The following CDH13 variants were observed in gnomAD, a reference collection of about 807,000 sequenced individuals.
The protein encoded by CDH13 is cadherin 13.
Under a neutral mutation model 63.8 loss-of-function variants are expected in CDH13, and 24 were observed. The observed-to-expected ratio is 0.38, with a 90% confidence interval of 0.27 to 0.53. The LOEUF (loss-of-function observed/expected upper bound fraction) is 0.53, where lower values mean the gene tolerates loss of function less well. CDH13 is among the 20% of genes least tolerant of loss of function. The probability of loss-of-function intolerance (pLI) is 0.85; values close to 1 mark genes in which losing one functional copy is unlikely to be tolerated. For synonymous variants in CDH13, 503 were observed against 355.3 expected (o/e 1.42, Z -4.67); for missense variants, 1,049 against 903.1 (o/e 1.16, Z -2.07).
chr16:83,134,823 A>G (rs16959334), intron 4 of CDH13, among the ~76,000 whole-genome samples: 3,760 of 152,276 alleles, frequency 0.025, 168 homozygotes, highest in African/African-American at 0.086. Context: ...TTTTTGCCAA[A>G]TACATATATA....
intron 6 of CDH13, among the ~76,000 whole-genome samples, chr16:83,477,745 A>G (rs966988664): frequency 2.6e-5 from 4 of 152,192 alleles, no homozygotes; most frequent in Non-Finnish European, 4.4e-5. Flanking sequence ...GGCTCTACCA[A>G]CAGACAAGGT....
intron 7 of CDH13, among the ~76,000 whole-genome samples, chr16:83,541,614 A>G (rs1391744895): frequency 6.6e-6 from 1 of 152,194 alleles, no homozygotes; most frequent in East Asian, 1.9e-4. Context: ...CACAAGCTGA[A>G]CCAAGGACTC....
At chr16:83,249,719 T>A (rs571942349) in intron 5 of CDH13, among the ~76,000 whole-genome samples, 5 of 152,312 alleles carry the variant, frequency 3.3e-5, no homozygotes, top group Admixed American at 2.0e-4. Context: ...CCAATTCATG[T>A]CCATTCTAAG....
intron 6 of CDH13, among the ~76,000 whole-genome samples, chr16:83,424,301 A>T (rs745504941): frequency 1.1e-4 from 16 of 151,308 alleles, no homozygotes; most frequent in Non-Finnish European, 1.9e-4. Context: ...GACAGTCTAG[A>T]AGAGGGAAAT....
At chr16:82,732,656 C>T (rs1220201786) in intron 1 of CDH13, among the ~76,000 whole-genome samples, 1 of 152,168 alleles carries the variant, frequency 6.6e-6, no homozygotes, top group Non-Finnish European at 1.5e-5. Flanking sequence ...GAGATAAAAG[C>T]CAGCAGCAGT....
chr16:83,540,360 G>A lies in CDH13; in HGVS notation c.960+53705G>A, dbSNP rs72791501. The stretch of plus-strand genomic sequence containing the variant: ...TGCTGAAGACAGTCACCCCCGATGC[G>A]CAGTGTTTCTTGTGATTAGGTACAT... On this transcript the variant is annotated intron_variant, in intron 7 of 13. Coordinates refer to ENST00000567109, the MANE Select transcript of CDH13 (RefSeq NM_001257.5). 7.4e-3 allele frequency among the ~76,000 whole-genome samples: 1,125 copies of A among 152,266 alleles called. 4 individuals are homozygous for A. Among genetic ancestry groups the A allele is most frequent in the Non-Finnish European group, 0.012 (825 of 68,018 alleles).
chr16:83,485,739 T>G (rs1000238782), intron 6 of CDH13, among the ~76,000 whole-genome samples: 2 of 152,154 alleles, frequency 1.3e-5, no homozygotes, highest in Admixed American at 1.3e-4. Flanking sequence ...TTGTTATATA[T>G]TTATCTCTTC....
intron 1 of CDH13, among the ~76,000 whole-genome samples, chr16:82,779,004 A>G (rs2035627342): frequency 6.6e-6 from 1 of 152,224 alleles, no homozygotes; most frequent in Non-Finnish European, 1.5e-5. Flanking sequence ...GGAAGAATTG[A>G]GATCCCGGAA....
At chr16:83,225,132 C>T (rs1296158819) in intron 5 of CDH13, among the ~76,000 whole-genome samples, 1 of 152,132 alleles carries the variant, frequency 6.6e-6, no homozygotes, top group Non-Finnish European at 1.5e-5. Context: ...TGGGTTTTAG[C>T]CAGCCCACCA....
chr16:83,652,717 C>A (rs1187230751), intron 8 of CDH13, among the ~76,000 whole-genome samples: 1 of 152,140 alleles, frequency 6.6e-6, no homozygotes, highest in African/African-American at 2.4e-5. Flanking sequence ...AACCCAAGGG[C>A]TACATATGGG....
At chr16:83,043,856 C>T (rs1015646052) in intron 3 of CDH13, among the ~76,000 whole-genome samples, 3 of 151,256 alleles carry the variant, frequency 2.0e-5, no homozygotes, top group South Asian at 2.1e-4. Flanking sequence ...TCAATATGAA[C>T]ATTATTCATA....
At chr16:83,501,051 C>T (rs529420488) in intron 7 of CDH13, among the ~76,000 whole-genome samples, 2 of 152,250 alleles carry the variant, frequency 1.3e-5, no homozygotes, top group South Asian at 2.1e-4. Context: ...AAATAATAAG[C>T]ATTCTTATTT....
chr16:82,903,280 C>T (rs778969166), intron 2 of CDH13, among the ~76,000 whole-genome samples: 20 of 152,228 alleles, frequency 1.3e-4, no homozygotes, highest in Non-Finnish European at 4.4e-5. Context: ...GTTTGCATGG[C>T]AACCCTATTG....
chr16:83,722,828 G>A (rs1164643200), intron 10 of CDH13, among the ~76,000 whole-genome samples: 4 of 152,198 alleles, frequency 2.6e-5, no homozygotes, highest in Non-Finnish European at 2.9e-5. Flanking sequence ...AAAGTGTATT[G>A]CTAAGACAGC....
At chr16:83,318,103 A>G (rs76266584) in intron 5 of CDH13, among the ~76,000 whole-genome samples, 4,385 of 152,296 alleles carry the variant, frequency 0.029, 221 homozygotes, top group African/African-American at 0.099. Flanking sequence ...GTAACTAGAA[A>G]GATTGAAAAG....
intron 1 of CDH13, among the ~76,000 whole-genome samples, chr16:82,842,159 TATATAC>T (rs751852009): frequency 0.39 from 22,821 of 58,716 alleles, 3,489 homozygotes; most frequent in Non-Finnish European, 0.45. Flanking sequence ...TATATATATA[TATATAC>T]ACACACACAC....
At chr16:82,913,779 G>T (rs996882241) in intron 2 of CDH13, among the ~76,000 whole-genome samples, 2 of 151,958 alleles carry the variant, frequency 1.3e-5, no homozygotes, top group Non-Finnish European at 2.9e-5. Flanking sequence ...AGATGAAGGG[G>T]GTGCAGGTAG....
chr16:82,826,345 T>C (rs1437739142), intron 1 of CDH13: 1 of 152,174 alleles, frequency 6.6e-6, no homozygotes, highest in Non-Finnish European at 1.5e-5. Context: ...CAAGTTGAAA[T>C]TCTAATTTTT....
chr16:83,346,301 G>A lies in CDH13; in HGVS notation c.781+1295G>A, dbSNP rs1366460363. The stretch of plus-strand genomic sequence containing the variant: ...GACAATCCACGTGGCCCCTCTCTGT[G>A]AGCTGCTTTTGATGGAAAGATGGCT... On this transcript the variant is annotated intron_variant, in intron 6 of 13. Coordinates refer to ENST00000567109, the MANE Select transcript of CDH13 (RefSeq NM_001257.5). Among the ~76,000 whole-genome samples, 3 of 152,166 alleles carry A rather than the reference G, an allele frequency of 2.0e-5. No homozygotes were observed. In the East Asian group the frequency reaches 5.8e-4, roughly 29 times the overall value.
Sources: allele counts gnomAD v4.1 joint callset (sites outside exome capture counted in the v4.1 genomes callset), GRCh38; gene constraint gnomAD v4.1.1; transcripts MANE v1.5; gene names NCBI Gene and HGNC (gene_info 2026-07-23, HGNC 2026-07-21).